Variants in MAPK10 observed in about 807,000 individuals in gnomAD.
The protein encoded by MAPK10 is mitogen-activated protein kinase 10.
In MAPK10, 25 loss-of-function variants were observed where a neutral mutation model predicts 59.3. The observed-to-expected ratio is 0.42, with a 90% CI of 0.31 to 0.59. MAPK10 has a LOEUF of 0.59. Ranked by LOEUF, MAPK10 falls within the 20% of genes least tolerant of loss-of-function variation. The pLI, the probability that MAPK10 is intolerant of heterozygous loss-of-function variation, is 0.15. For synonymous variants in MAPK10, 190 were observed against 200.5 expected, an observed-to-expected ratio of 0.95 and a Z score of 0.44; for missense variants, 351 against 568.9, an observed-to-expected ratio of 0.62 and a Z score of 3.90.
intron 2 of MAPK10, among the ~76,000 whole-genome samples, chr4:86,323,140 C>T (rs1008665491): frequency 3.1e-4 from 47 of 152,198 alleles, no homozygotes; most frequent in African/African-American, 1.1e-3. Context: ...TTCCACTGTG[C>T]TCCAGCCTGG....
chr4:86,137,486 C>T (rs1224955323), intron 4 of MAPK10, among the ~76,000 whole-genome samples: 5 of 133,628 alleles, frequency 3.7e-5, no homozygotes, highest in South Asian at 5.3e-4. Flanking sequence ...TTGAAACCAA[C>T]GAGAACAAAG....
At chr4:86,585,173 A>G (rs1437998736) in intron 1 of MAPK10, among the ~76,000 whole-genome samples, 1 of 152,174 alleles carries the variant, frequency 6.6e-6, no homozygotes, top group Non-Finnish European at 1.5e-5. Context: ...GGTATACCGT[A>G]ATAACCATAT....
intron 2 of MAPK10, among the ~76,000 whole-genome samples, chr4:86,351,607 A>G (rs1578745387): frequency 1.3e-5 from 2 of 152,058 alleles, no homozygotes; most frequent in South Asian, 4.2e-4. Flanking sequence ...CTGCAATAGC[A>G]CCTTAGATGT....
At chr4:86,419,966 TAC>T (rs1052410216) in intron 1 of MAPK10, among the ~76,000 whole-genome samples, 2 of 152,256 alleles carry the variant, frequency 1.3e-5, no homozygotes, top group Admixed American at 1.3e-4. Flanking sequence ...TCAAAATAGA[TAC>T]ATTCACTCAT....
At chr4:86,034,712 G>A (rs1224416061) in intron 11 of MAPK10, among the ~76,000 whole-genome samples, 3 of 152,136 alleles carry the variant, frequency 2.0e-5, no homozygotes, top group African/African-American at 7.2e-5. Context: ...ACCTGTATAT[G>A]GTCTAAGGGA....
chr4:86,019,526 T>C (rs1745247759), intron 13 of MAPK10, among the ~76,000 whole-genome samples: 1 of 152,182 alleles, frequency 6.6e-6, no homozygotes, highest in South Asian at 2.1e-4. Context: ...GCTGGTTCAT[T>C]TCCCCTCATG....
intron 1 of MAPK10, among the ~76,000 whole-genome samples, chr4:86,533,761 T>C (rs926458348): frequency 1.4e-4 from 22 of 152,222 alleles, no homozygotes. Context: ...GAGCCAACAG[T>C]TACTGAGCAA....
At chr4:86,194,188 A>C (rs920487131) in intron 3 of MAPK10, 148 bp downstream of exon 3, 1 of 654,606 alleles carries the variant, frequency 1.5e-6, no homozygotes, top group East Asian at 2.6e-5. Context: ...GGCTGTTTCT[A>C]TTCAGCCGTC....
intron 1 of MAPK10, among the ~76,000 whole-genome samples, chr4:86,581,270 T>A (rs1267478142): frequency 6.6e-6 from 1 of 150,444 alleles, no homozygotes; most frequent in Non-Finnish European, 1.5e-5. Flanking sequence ...AAAAAAAAAA[T>A]ACAGAAAAAA....
chr4:86,102,562 C>T (rs534755393), intron 6 of MAPK10: 62 of 153,660 alleles, frequency 4.0e-4, no homozygotes, highest in African/African-American at 1.4e-3. Context: ...GCTCCGTCAC[C>T]CAGGCTGGAG....
intron 9 of MAPK10, among the ~76,000 whole-genome samples, chr4:86,087,619 C>G (rs545530183): frequency 2.4e-3 from 119 of 49,394 alleles, no homozygotes; most frequent in African/African-American, 0.014. Flanking sequence ...GTGTGTCAAA[C>G]AGAAGATTAG....
intron 1 of MAPK10, among the ~76,000 whole-genome samples, chr4:86,591,139 G>A (rs1018771651): frequency 2.0e-5 from 3 of 151,938 alleles, no homozygotes; most frequent in Non-Finnish European, 4.4e-5. Context: ...ACCCAGGCTG[G>A]TCTTGAATTC....
intron 2 of MAPK10, among the ~76,000 whole-genome samples, chr4:86,324,548 T>C (rs1487709777): frequency 2.0e-5 from 3 of 152,198 alleles, no homozygotes; most frequent in Non-Finnish European, 4.4e-5. Flanking sequence ...TGGGAAAATA[T>C]TAATCGTATC....
At chr4:86,369,523 A>G (rs544531454) in intron 1 of MAPK10, among the ~76,000 whole-genome samples, 1 of 152,290 alleles carries the variant, frequency 6.6e-6, no homozygotes, top group Non-Finnish European at 1.5e-5. Context: ...TTAGTCTTAC[A>G]TTTTTAAGCC....
chr4:86,206,754 G>A (rs2084136398), intron 2 of MAPK10, among the ~76,000 whole-genome samples: 1 of 152,122 alleles, frequency 6.6e-6, no homozygotes, highest in African/African-American at 2.4e-5. Context: ...GGTGTGAGAT[G>A]GTATCTCATT....
intron 2 of MAPK10, among the ~76,000 whole-genome samples, chr4:86,227,909 G>A (rs1178755774): frequency 6.6e-6 from 1 of 152,108 alleles, no homozygotes; most frequent in Admixed American, 6.5e-5. Flanking sequence ...AAAAATGACT[G>A]TCATGAAGGA....
chr4:86,417,658 T>A (rs1746020765), intron 1 of MAPK10, among the ~76,000 whole-genome samples: 2 of 152,110 alleles, frequency 1.3e-5, no homozygotes, highest in African/African-American at 2.4e-5. Context: ...AATCTAGAGA[T>A]CCTCTGAGAA....
chr4:86,107,545 A>T lies in MAPK10; in HGVS notation c.237-193T>A, dbSNP rs1385625891. 4.1e-6 allele frequency: 5 copies of T among 1,207,888 alleles called. No homozygotes were observed. In the East Asian group the frequency reaches 1.8e-4, roughly 44 times the overall value. 74.8% of individuals were successfully genotyped at this position (1,207,888 alleles called of 1,614,324 possible). On this transcript the variant is annotated intron_variant, in intron 4 of 13. Coordinates refer to ENST00000641462, the MANE Select transcript of MAPK10 (RefSeq NM_138982.4). ...TAAGAATATTCTACATGCTAGGAGG[A>T]TGAAGAAGAGTTGGAGGAAGGGAAG...
At chr4:86,396,331 T>A (rs972160305) in intron 1 of MAPK10, among the ~76,000 whole-genome samples, 1 of 151,796 alleles carries the variant, frequency 6.6e-6, no homozygotes, top group Non-Finnish European at 1.5e-5. Flanking sequence ...TGGGCAAGAG[T>A]GCGAGACTCT....
Sources: allele counts gnomAD v4.1 joint callset (sites outside exome capture counted in the v4.1 genomes callset), GRCh38; gene constraint gnomAD v4.1.1; transcripts MANE v1.5; gene names NCBI Gene and HGNC (gene_info 2026-07-23, HGNC 2026-07-21).